Variants in MDGA2 observed in about 807,000 individuals in gnomAD.
MDGA2 encodes the protein MAM domain containing glycosylphosphatidylinositol anchor 2.
Under a neutral mutation model 117.8 loss-of-function variants are expected in MDGA2, and 40 were observed. That is an observed-to-expected ratio of 0.34 (90% confidence interval 0.26 to 0.44). The LOEUF (loss-of-function observed/expected upper bound fraction) is 0.44. Among genes scored for constraint, MDGA2 ranks in the 20% least tolerant of loss-of-function variants. MDGA2 has a pLI of 1.00. For missense variants in MDGA2, 1,123 were observed against 1,250.6 expected, an observed-to-expected ratio of 0.90 and a Z score of 1.54; for synonymous variants, 452 against 439.0, an observed-to-expected ratio of 1.03 and a Z score of -0.37.
intron 1 of MDGA2, among the ~76,000 whole-genome samples, chr14:47,459,617 G>A (rs1225811403): frequency 2.0e-5 from 3 of 150,220 alleles, no homozygotes; most frequent in Non-Finnish European, 4.4e-5. Flanking sequence ...CTTTGTGCAG[G>A]TGTGGGTTTT....
At chr14:47,668,621 A>C (rs1210603450) in intron 1 of MDGA2, among the ~76,000 whole-genome samples, 1 of 152,250 alleles carries the variant, frequency 6.6e-6, no homozygotes, top group Non-Finnish European at 1.5e-5. Flanking sequence ...TAGTGTTTAC[A>C]CTCAGTCACT....
chr14:47,310,467 CA>C (rs1269364212), intron 1 of MDGA2, among the ~76,000 whole-genome samples: 2 of 152,068 alleles, frequency 1.3e-5, no homozygotes, highest in South Asian at 4.1e-4. Context: ...GAAAATCCAT[CA>C]AATATCTAAC....
chr14:46,900,476 A>T, intron 10 of MDGA2, among the ~76,000 whole-genome samples: 1 of 152,170 alleles, frequency 6.6e-6, no homozygotes, highest in East Asian at 1.9e-4. Context: ...TTAAAGAAAG[A>T]ATTATTAAAC....
intron 7 of MDGA2, among the ~76,000 whole-genome samples, chr14:47,036,232 T>TGCACTCCA (rs894804976): frequency 3.1e-5 from 4 of 128,022 alleles, no homozygotes; most frequent in African/African-American, 1.2e-4. Flanking sequence ...ATTGCACCAC[T>TGCACTCCA]GCACTCCAGC....
At chr14:47,289,641 G>T (rs1431389114) in intron 2 of MDGA2, among the ~76,000 whole-genome samples, 2 of 151,854 alleles carry the variant, frequency 1.3e-5, no homozygotes, top group Non-Finnish European at 2.9e-5. Context: ...TCCTTAAAAT[G>T]ATATATTTAT....
At chr14:47,432,478 T>C (rs1566453879) in intron 1 of MDGA2, among the ~76,000 whole-genome samples, 1 of 152,152 alleles carries the variant, frequency 6.6e-6, no homozygotes, top group East Asian at 1.9e-4. Context: ...CTCCATCACA[T>C]GTAGAAGAAA....
intron 4 of MDGA2, among the ~76,000 whole-genome samples, chr14:47,134,395 T>C (rs972814166): frequency 1.3e-5 from 2 of 152,060 alleles, no homozygotes; most frequent in Non-Finnish European, 2.9e-5. Context: ...ATGAGTAAAA[T>C]ATAATCAGAG....
intron 1 of MDGA2, among the ~76,000 whole-genome samples, chr14:47,585,316 C>T (rs1260597507): frequency 1.3e-5 from 2 of 151,910 alleles, no homozygotes; most frequent in Non-Finnish European, 2.9e-5. Context: ...ATTAGCACCA[C>T]TCAGCTTCCA....
chr14:46,948,547 T>G (rs1885254576), intron 9 of MDGA2, among the ~76,000 whole-genome samples: 1 of 151,964 alleles, frequency 6.6e-6, no homozygotes, highest in Non-Finnish European at 1.5e-5. Context: ...GCCTCTTGGG[T>G]GTGGTCTAGC....
downstream of MDGA2, among the ~76,000 whole-genome samples, chr14:46,839,755 T>C (rs28641004): frequency 0.023 from 3,521 of 152,084 alleles, 138 homozygotes; most frequent in African/African-American, 0.08. Context: ...GTTATGAAAC[T>C]CATTTGTTTA....
intron 6 of MDGA2, among the ~76,000 whole-genome samples, chr14:47,070,146 C>G (rs142309885): frequency 6.6e-6 from 1 of 152,230 alleles, no homozygotes; most frequent in East Asian, 1.9e-4. Flanking sequence ...GTTGTGCTAT[C>G]AAATACTAGG....
chr14:47,108,265 C>T (rs1359733344), intron 5 of MDGA2, among the ~76,000 whole-genome samples: 1 of 152,160 alleles, frequency 6.6e-6, no homozygotes, highest in Non-Finnish European at 1.5e-5. Flanking sequence ...CGCCCCAACA[C>T]TTCAACACTA....
intron 1 of MDGA2, among the ~76,000 whole-genome samples, chr14:47,517,590 C>T (rs1489925481): frequency 6.6e-6 from 1 of 151,994 alleles, no homozygotes; most frequent in Non-Finnish European, 1.5e-5. Flanking sequence ...TAAAATTAGT[C>T]TATTCCAGAA....
intron 6 of MDGA2, among the ~76,000 whole-genome samples, chr14:47,080,152 A>G (rs557946222): frequency 1.3e-5 from 2 of 152,320 alleles, no homozygotes; most frequent in South Asian, 4.1e-4. Context: ...TGCCAATTAC[A>G]TAATTCAGGC....
At chr14:47,548,673 T>A (rs1895513271) in intron 1 of MDGA2, among the ~76,000 whole-genome samples, 1 of 152,186 alleles carries the variant, frequency 6.6e-6, no homozygotes, top group Non-Finnish European at 1.5e-5. Flanking sequence ...ACTTCTTGTT[T>A]GTGCAAAGCC....
chr14:46,902,133 G>T (rs1883310771), intron 10 of MDGA2, among the ~76,000 whole-genome samples: 1 of 152,082 alleles, frequency 6.6e-6, no homozygotes, highest in Non-Finnish European at 1.5e-5. Flanking sequence ...TGCCACTGTA[G>T]AATAAGTGTA....
intron 1 of MDGA2, among the ~76,000 whole-genome samples, chr14:47,457,755 T>G (rs1384295103): frequency 2.0e-5 from 3 of 151,828 alleles, no homozygotes; most frequent in Non-Finnish European, 1.5e-5. Context: ...GCTTTAAACA[T>G]AATTTTAACC....
chr14:47,405,540 A>G lies in MDGA2; in HGVS notation c.281-103990T>C, dbSNP rs187735397. On this transcript the variant is annotated intron_variant, in intron 1 of 16. Transcript: ENST00000399232. ...CAATGTTACTATTCCTCGCTGGTGGAAAAAAATGAAACTATCAGTCCCCAA... is the reference window on the plus strand; with the variant it reads ...CAATGTTACTATTCCTCGCTGGTGGGAAAAAATGAAACTATCAGTCCCCAA... Among the ~76,000 whole-genome samples the G allele has an allele frequency of 3.7e-4, 57 of 152,292 alleles. No homozygotes were observed. In the South Asian group the frequency reaches 6.4e-3, roughly 17 times the overall value.
At chr14:47,307,811 A>G (rs1376439548) in intron 1 of MDGA2, among the ~76,000 whole-genome samples, 2 of 152,092 alleles carry the variant, frequency 1.3e-5, no homozygotes, top group African/African-American at 4.8e-5. Flanking sequence ...TAAGTTTTAG[A>G]GCTTTCAATG....
Sources: gnomAD v4.1 joint callset for allele counts (sites outside exome capture counted in the v4.1 genomes callset) on GRCh38, gnomAD v4.1.1 for gene constraint, MANE v1.5 for transcripts, NCBI Gene and HGNC (gene_info 2026-07-23, HGNC 2026-07-21) for gene names.